The following SLC49A4 variants were observed in gnomAD, a reference collection of about 807,000 sequenced individuals.
The protein encoded by SLC49A4 is disrupted in renal cancer protein 2.
A neutral mutation model predicts 50.6 loss-of-function variants in SLC49A4; 36 were observed. The ratio of observed to expected loss-of-function variants is 0.71; its 90% CI spans 0.55 to 0.94. SLC49A4 has a LOEUF of 0.94. Among genes scored for constraint, SLC49A4 ranks in the 40% least tolerant of loss-of-function variants. SLC49A4 has a pLI of 0.00. For missense variants in SLC49A4, 503 were observed against 605.7 expected (o/e 0.83, Z 1.78); for synonymous variants, 248 against 241.2 (o/e 1.03, Z -0.26).
chr3:122,819,539 G>A (rs1313541785), intron 2 of SLC49A4, among the ~76,000 whole-genome samples: 1 of 152,010 alleles, frequency 6.6e-6, no homozygotes, highest in Non-Finnish European at 1.5e-5. Flanking sequence ...ATACTCAATA[G>A]ATATTTTTAA....
chr3:122,798,634 CTT>C (rs71136594), intron 1 of SLC49A4, among the ~76,000 whole-genome samples: 23 of 62,818 alleles, frequency 3.7e-4, no homozygotes, highest in Non-Finnish European at 4.4e-4. Context: ...ACTAAAATAT[CTT>C]TTTTTTTTTT....
intron 1 of SLC49A4, among the ~76,000 whole-genome samples, chr3:122,799,098 T>G (rs1936093802): frequency 6.6e-6 from 1 of 152,080 alleles, no homozygotes; most frequent in Non-Finnish European, 1.5e-5. Context: ...AAAGGAAGTT[T>G]CAAGGAGATA....
intron 4 of SLC49A4, among the ~76,000 whole-genome samples, chr3:122,835,820 G>A (rs1391238087): frequency 6.6e-6 from 1 of 152,126 alleles, no homozygotes; most frequent in African/African-American, 2.4e-5. Context: ...AATGATCACT[G>A]TTTGCCAATG....
intron 5 of SLC49A4, among the ~76,000 whole-genome samples, chr3:122,855,857 C>G (rs1936982555): frequency 6.6e-6 from 1 of 152,152 alleles, no homozygotes; most frequent in South Asian, 2.1e-4. Context: ...ACTTTTGAAA[C>G]CCAGCTCAAC....
At chr3:122,855,374 A>T (rs1936974386) in intron 5 of SLC49A4, among the ~76,000 whole-genome samples, 1 of 152,196 alleles carries the variant, frequency 6.6e-6, no homozygotes, top group African/African-American at 2.4e-5. Context: ...TGGGAAGGAG[A>T]AAGAGGAACC....
chr3:122,819,118 G>T (rs1272749789), intron 2 of SLC49A4, among the ~76,000 whole-genome samples: 3 of 151,834 alleles, frequency 2.0e-5, no homozygotes, highest in Non-Finnish European at 4.4e-5. Flanking sequence ...GCTAGTGTGT[G>T]CCTGTAGTCC....
Position 122,876,142 on chromosome 3 carries a change from T to G in SLC49A4, c.1322-3121T>G, listed in dbSNP as rs114322104. 7.8e-3 allele frequency among the ~76,000 whole-genome samples: 1,194 copies of G among 152,290 alleles called. 17 individuals are homozygous for G. The highest frequency in any genetic ancestry group is 0.026 in the African/African-American group (1,097 of 41,550). ...TGTTTGTTTTGAGAATCCCATTGAG[T>G]TGACATAGCACAGTGATGCTTTATT... is the stretch of plus-strand genomic sequence containing the variant. On this transcript the variant is annotated intron_variant, in intron 8 of 8. Transcript: ENST00000261038.
At chr3:122,837,745 A>C (rs908611223) in intron 4 of SLC49A4, among the ~76,000 whole-genome samples, 5 of 151,342 alleles carry the variant, frequency 3.3e-5, no homozygotes, top group African/African-American at 1.2e-4. Flanking sequence ...TCTGCACAGC[A>C]AAAGAAACTA....
chr3:122,853,868 C>G (rs1313373212), intron 5 of SLC49A4, among the ~76,000 whole-genome samples: 1 of 152,084 alleles, frequency 6.6e-6, no homozygotes, highest in Non-Finnish European at 1.5e-5. Flanking sequence ...GAGATAGAGA[C>G]CCTGAATCAT....
At chr3:122,815,984 A>G (rs1008709931) in intron 2 of SLC49A4, among the ~76,000 whole-genome samples, 1 of 152,192 alleles carries the variant, frequency 6.6e-6, no homozygotes, top group Non-Finnish European at 1.5e-5. Flanking sequence ...GGTAGGTTCC[A>G]TGGAAATGTA....
chr3:122,871,486 G>T (rs1937196408), intron 7 of SLC49A4, among the ~76,000 whole-genome samples: 1 of 151,852 alleles, frequency 6.6e-6, no homozygotes, highest in Admixed American at 6.6e-5. Context: ...ATACAGGATT[G>T]TTTTTTTCCT....
chr3:122,838,067 G>A (rs1309980327), intron 4 of SLC49A4, among the ~76,000 whole-genome samples: 1 of 151,648 alleles, frequency 6.6e-6, no homozygotes, highest in Non-Finnish European at 1.5e-5. Flanking sequence ...AACAGGTGCT[G>A]GAGAGGATGT....
chr3:122,838,766 A>G (rs932128596), intron 4 of SLC49A4, among the ~76,000 whole-genome samples: 5 of 152,154 alleles, frequency 3.3e-5, no homozygotes, highest in African/African-American at 1.2e-4. Flanking sequence ...AACACATTCC[A>G]TGTTCATGGA....
intron 5 of SLC49A4, among the ~76,000 whole-genome samples, chr3:122,847,231 C>T (rs1337800646): frequency 6.6e-6 from 1 of 152,138 alleles, no homozygotes; most frequent in Non-Finnish European, 1.5e-5. Context: ...GAGGCCTACA[C>T]ATGCTCAAGG....
At chr3:122,821,632 C>T (rs1303757379) in intron 2 of SLC49A4, among the ~76,000 whole-genome samples, 1 of 152,194 alleles carries the variant, frequency 6.6e-6, no homozygotes, top group African/African-American at 2.4e-5. Flanking sequence ...TAGTCCATTA[C>T]TGGACAACTG....
At chr3:122,863,087 A>T (rs141876221) in intron 7 of SLC49A4, among the ~76,000 whole-genome samples, 4,994 of 152,310 alleles carry the variant, frequency 0.033, 122 homozygotes, top group Middle Eastern at 0.071. Flanking sequence ...CACAGAATTT[A>T]TAAGTTCTAC....
intron 7 of SLC49A4, among the ~76,000 whole-genome samples, chr3:122,863,868 A>C (rs1299227400): frequency 2.6e-5 from 4 of 152,188 alleles, no homozygotes; most frequent in African/African-American, 9.6e-5. Context: ...ATGTGTTATA[A>C]GTGCTACTGC....
At chr3:122,872,361 G>C in intron 7 of SLC49A4, 54 bp from the exon 8 acceptor site, 3 of 1,452,094 alleles carry the variant, frequency 2.1e-6, no homozygotes, top group Middle Eastern at 1.8e-4. Flanking sequence ...AGATCTATCT[G>C]ATATGACTCA....
intron 3 of SLC49A4, among the ~76,000 whole-genome samples, chr3:122,828,963 C>G (rs1053775131): frequency 6.6e-6 from 1 of 152,078 alleles, no homozygotes; most frequent in African/African-American, 2.4e-5. Flanking sequence ...AAGCAGAAGC[C>G]CCTGCTCAAA....
Sources: gnomAD v4.1 joint callset for allele counts (sites outside exome capture counted in the v4.1 genomes callset) on GRCh38, gnomAD v4.1.1 for gene constraint, MANE v1.5 for transcripts, NCBI Gene and HGNC (gene_info 2026-07-23, HGNC 2026-07-21) for gene names.